The following CENPL variants were observed in gnomAD, a reference collection of about 807,000 sequenced individuals.
CENPL encodes the protein interphase centromere complex protein 33.
CENPL carries 20 observed loss-of-function variants against 35.2 expected under a neutral mutation model. The ratio of observed to expected loss-of-function variants is 0.57; its 90% CI spans 0.40 to 0.83. The LOEUF (loss-of-function observed/expected upper bound fraction) is 0.83. Ranked by LOEUF, CENPL falls within the 40% of genes least tolerant of loss-of-function variation. CENPL has a pLI of 0.00. For synonymous variants in CENPL, 140 were observed against 140.6 expected (o/e 1.00, Z 0.03); for missense variants, 363 against 395.8 (o/e 0.92, Z 0.70).
chr1:173,805,770 A>G (rs1650170023), intron 4 of CENPL, among the ~76,000 whole-genome samples: 1 of 152,168 alleles, frequency 6.6e-6, no homozygotes, highest in Admixed American at 6.6e-5. Context: ...TGCACTAAGG[A>G]GAAGAAAGAG....
In CENPL at chr1:173,804,761, A is replaced by G. The variant is rs994897330; in HGVS notation, c.421-1256T>C. On this transcript the variant is annotated intron_variant, in intron 4 of 5. Coordinates refer to ENST00000682279, the MANE Select transcript of CENPL (RefSeq NM_001387287.1). Reference sequence around the variant, plus strand: ...CAGAACATTTAGGATATTTTATTATATTTTTAGCTGATTGCCTAACCCCTC... The same window carrying G: ...CAGAACATTTAGGATATTTTATTATGTTTTTAGCTGATTGCCTAACCCCTC... 4.1e-5 allele frequency among the ~76,000 whole-genome samples: 6 copies of G among 145,014 alleles called. No homozygotes were observed. The East Asian group carries it at 1.0e-3, about 25-fold the overall frequency.
chr1:173,815,418 A>AG (rs1651263751), intron 2 of CENPL, among the ~76,000 whole-genome samples: 1 of 152,238 alleles, frequency 6.6e-6, no homozygotes, highest in Non-Finnish European at 1.5e-5. Context: ...CCTGATGAAC[A>AG]TGGATGCAAA....
chr1:173,816,736 A>G (rs1197271484), intron 2 of CENPL, among the ~76,000 whole-genome samples: 2 of 152,210 alleles, frequency 1.3e-5, no homozygotes, highest in African/African-American at 4.8e-5. Context: ...AAACCCTAGA[A>G]GAAAACCGAG....
Position 173,807,441 on chromosome 1 carries a change from T to C in CENPL, c.246A>G (p.Lys82=). ...WTLYSLTPLY[K]FSYSNLKEYS... is the part of the protein sequence containing the mutation. The stretch of plus-strand genomic sequence containing the variant: ...ACTCTTTGAGATTACTATAGGAGAA[T>C]TTATATAAGGGAGTTAAACTATATA... The change falls in exon 4 of 6, where the codon AAA becomes AAG. Residue 82 remains lysine, a synonymous_variant. Transcript: ENST00000682279. 1 of 1,609,860 alleles carries C rather than the reference T, an allele frequency of 6.2e-7. No individual in the cohort carries two copies. Among genetic ancestry groups the C allele is most frequent in the African/African-American group, 1.3e-5 (1 of 74,936 alleles).
chr1:173,823,471 C>T (rs539733848), intron 2 of CENPL: 1 of 152,502 alleles, frequency 6.6e-6, no homozygotes, highest in Non-Finnish European at 1.5e-5. Flanking sequence ...AAATGACAGC[C>T]CTATACCCAA....
chr1:173,802,816 A>G (rs1649872721), intron 5 of CENPL, 147 bp downstream of exon 5: 1 of 596,614 alleles, frequency 1.7e-6, no homozygotes, highest in African/African-American at 1.9e-5. Context: ...AAAGACTGCA[A>G]TAAACCATAA....
intron 2 of CENPL, among the ~76,000 whole-genome samples, chr1:173,814,285 G>T (rs894296169): frequency 2.0e-5 from 3 of 151,992 alleles, no homozygotes; most frequent in Non-Finnish European, 4.4e-5. Flanking sequence ...GAGACAGAAG[G>T]TTAACAAGGA....
chr1:173,812,693 G>C (rs1222098735), intron 2 of CENPL, among the ~76,000 whole-genome samples: 6 of 152,114 alleles, frequency 3.9e-5, no homozygotes, highest in African/African-American at 1.4e-4. Context: ...AAACACCAAA[G>C]GTAGATAAAA....
Position 173,824,328 on chromosome 1 carries a change from A to C in CENPL, c.-218T>G, listed in dbSNP as rs534139652. On this transcript the variant is annotated 5_prime_UTR_variant, in exon 1 of 6. Coordinates refer to ENST00000682279, the MANE Select transcript of CENPL (RefSeq NM_001387287.1). ...AGCTGAGCCTGTCAGAGACCAGCCC[A>C]GCTCTGAAATCAAGCCGTTGAGAAA... 4 of 152,458 alleles carry C rather than the reference A, an allele frequency of 2.6e-5. No individual in the cohort carries two copies. Among genetic ancestry groups the C allele is most frequent in the Admixed American group, 6.5e-5 (1 of 15,310 alleles). The allele number at this position is 152,458 out of a possible 1,614,324, so 9.4% of individuals were successfully genotyped here.
intron 2 of CENPL, among the ~76,000 whole-genome samples, chr1:173,811,995 C>G: frequency 6.6e-6 from 1 of 152,256 alleles, no homozygotes; most frequent in East Asian, 1.9e-4. Context: ...CCCTGGCAAC[C>G]GGCAGACTAG....
At chr1:173,817,312 AAAAC>A (rs1394646775) in intron 2 of CENPL, among the ~76,000 whole-genome samples, 6 of 152,348 alleles carry the variant, frequency 3.9e-5, no homozygotes, top group Non-Finnish European at 7.3e-5. Context: ...TTACAAGAAA[AAAAC>A]AAACAACCCC....
Position 173,807,272 on chromosome 1 carries a change from C to T in CENPL, c.415G>A (p.Val139Ile). The T allele has an allele frequency of 2.5e-6, 4 of 1,603,784 alleles. No individual in the cohort carries two copies. The highest frequency in any genetic ancestry group is 1.1e-5 in the South Asian group (1 of 89,952). The change falls in exon 4 of 6, where the codon GTC (valine) becomes ATC (isoleucine). Residue 139 changes from valine (V) to isoleucine (I), a missense_variant. Transcript: ENST00000682279. ...GTQRDPEAFL[V>I]QIVSKSQLPS... is the part of the protein sequence containing the mutation. ...GAACTGTTTATGTATTATACCTGGACAAGAAATGCTTCCGGGTCCCTTTGT... is the reference window on the plus strand; with the variant it reads ...GAACTGTTTATGTATTATACCTGGATAAGAAATGCTTCCGGGTCCCTTTGT...
intron 4 of CENPL, among the ~76,000 whole-genome samples, chr1:173,804,955 AAG>A (rs1650074558): frequency 6.6e-6 from 1 of 152,248 alleles, no homozygotes; most frequent in African/African-American, 2.4e-5. Context: ...GAAATTATGA[AAG>A]ACTCTCAAAT....
At chr1:173,814,718 A>G (rs1379010198) in intron 2 of CENPL, among the ~76,000 whole-genome samples, 2 of 152,242 alleles carry the variant, frequency 1.3e-5, no homozygotes, top group African/African-American at 4.8e-5. Flanking sequence ...CTAAATGCCC[A>G]CAAGAGAAAG....
At chr1:173,813,294 G>A (rs540883421) in intron 2 of CENPL, among the ~76,000 whole-genome samples, 1 of 152,254 alleles carries the variant, frequency 6.6e-6, no homozygotes, top group East Asian at 1.9e-4. Flanking sequence ...AGCAAGGCAG[G>A]CCAACATTCA....
At chr1:173,811,812 G>T (rs1249198314) in intron 2 of CENPL, among the ~76,000 whole-genome samples, 1 of 152,234 alleles carries the variant, frequency 6.6e-6, no homozygotes, top group Non-Finnish European at 1.5e-5. Context: ...ACTGGGACTG[G>T]CTGGACAGTG....
chr1:173,818,662 G>GA (rs34120603), intron 2 of CENPL, among the ~76,000 whole-genome samples: 2 of 152,108 alleles, frequency 1.3e-5, no homozygotes, highest in Non-Finnish European at 2.9e-5. Flanking sequence ...AAATAAGTCT[G>GA]AAAAAATCCC....
chr1:173,820,579 G>A (rs1651849504), intron 2 of CENPL, among the ~76,000 whole-genome samples: 1 of 152,070 alleles, frequency 6.6e-6, no homozygotes, highest in Non-Finnish European at 1.5e-5. Flanking sequence ...CTCAAATAAT[G>A]TCCAGAGCAA....
At chr1:173,814,124 T>G (rs1651120686) in intron 2 of CENPL, among the ~76,000 whole-genome samples, 1 of 152,054 alleles carries the variant, frequency 6.6e-6, no homozygotes. Flanking sequence ...CAAGAAGAGC[T>G]AACTACCATA....
Sources: allele counts gnomAD v4.1 joint callset (sites outside exome capture counted in the v4.1 genomes callset), GRCh38; gene constraint gnomAD v4.1.1; transcripts MANE v1.5; gene names NCBI Gene and HGNC (gene_info 2026-07-23, HGNC 2026-07-21).